DACH2: variants seen among roughly 807,000 people sequenced by gnomAD.
DACH2 encodes dachshund homolog 2.
Under a neutral mutation model 35.8 loss-of-function variants are expected in DACH2, and 17 were observed. The observed-to-expected ratio is 0.48, with a 90% CI of 0.33 to 0.71. The LOEUF is 0.71. DACH2 is among the 30% of genes least tolerant of loss of function. The pLI, the probability that DACH2 is intolerant of heterozygous loss-of-function variation, is 0.02. For missense variants in DACH2, 469 were observed against 472.7 expected (o/e 0.99, Z 0.07); for synonymous variants, 195 against 177.3 (o/e 1.10, Z -0.79).
intron 2 of DACH2, among the ~76,000 whole-genome samples, chrX:86,425,295 A>G (rs1199882790): frequency 9.0e-6 from 1 of 110,530 alleles, no homozygotes; most frequent in Non-Finnish European, 1.9e-5. Flanking sequence ...TCAGCAGTGA[A>G]GCCATCAGGT....
chrX:86,514,125 T>C, intron 2 of DACH2, 154 bp from the exon 3 acceptor site: 1 of 494,550 alleles, frequency 2.0e-6, no homozygotes, highest in South Asian at 3.5e-5. Context: ...AGTAAAGAAT[T>C]GGTCTCTTAG....
chrX:86,572,730 C>T (rs1481117053), intron 3 of DACH2, among the ~76,000 whole-genome samples: 1 of 111,618 alleles, frequency 9.0e-6, no homozygotes, highest in Non-Finnish European at 1.9e-5. Flanking sequence ...TGCCATACTG[C>T]TTCAAACCTC....
chrX:86,180,011 A>G (rs1455966886), intron 1 of DACH2, among the ~76,000 whole-genome samples: 1 of 107,174 alleles, frequency 9.3e-6, no homozygotes, highest in Non-Finnish European at 1.9e-5. Context: ...GCCTCCAGAC[A>G]CTGATTGTGA....
chrX:86,308,734 A>C (rs752854681), intron 1 of DACH2, among the ~76,000 whole-genome samples: 2 of 111,645 alleles, frequency 1.8e-5, no homozygotes, highest in African/African-American at 3.3e-5. Flanking sequence ...GTAACTGTGC[A>C]CTGGGGAAAG....
At chrX:86,716,066 T>G (rs1463541769) in intron 6 of DACH2, among the ~76,000 whole-genome samples, 1 of 111,662 alleles carries the variant, frequency 9.0e-6, no homozygotes, top group African/African-American at 3.3e-5. Flanking sequence ...CATCTATATA[T>G]TTAAAACACC....
intron 4 of DACH2, among the ~76,000 whole-genome samples, chrX:86,686,549 A>T (rs1400950696): frequency 9.0e-6 from 1 of 110,774 alleles, no homozygotes; most frequent in Non-Finnish European, 1.9e-5. Flanking sequence ...GTATTTTTTT[A>T]AAAAAACTTC....
intron 2 of DACH2, among the ~76,000 whole-genome samples, chrX:86,480,510 C>T (rs1368901120): frequency 8.9e-6 from 1 of 111,780 alleles, no homozygotes; most frequent in African/African-American, 3.3e-5. Context: ...TGAAGCTCTA[C>T]AATCAGTAAG....
At position 86,674,651 on chromosome X, in the gene DACH2, G is replaced by C. The variant is rs755301224; in HGVS notation, c.773-20370G>C. On this transcript the variant is annotated intron_variant, in intron 4 of 11. Transcript: ENST00000373125. ...TGAGTATCTAGTGTTTATCTTTTCT[G>C]GCTCCAGAATTTCTTATTGCAAAAA... Among the ~76,000 whole-genome samples, 18 of 111,863 alleles carry C rather than the reference G, an allele frequency of 1.6e-4. 1 individual carries two copies. In the South Asian group the frequency reaches 5.9e-3, roughly 37 times the overall value.
intron 4 of DACH2, among the ~76,000 whole-genome samples, chrX:86,667,713 A>C (rs1335651053): frequency 8.9e-6 from 1 of 112,015 alleles, no homozygotes; most frequent in East Asian, 2.8e-4. Flanking sequence ...TTAAAGAGTT[A>C]AAATTCAAAT....
chrX:86,197,076 G>A (rs1437517315), intron 1 of DACH2, among the ~76,000 whole-genome samples: 3 of 111,901 alleles, frequency 2.7e-5, no homozygotes, highest in Non-Finnish European at 5.6e-5. Context: ...GCTGAAAACC[G>A]ACAAACCAGA....
intron 4 of DACH2, among the ~76,000 whole-genome samples, chrX:86,688,898 A>T (rs1251086512): frequency 8.9e-6 from 1 of 112,067 alleles, no homozygotes; most frequent in Non-Finnish European, 1.9e-5. Context: ...TGATTATTGC[A>T]ACTGAGCAGC....
At chrX:86,315,834 CACACACAG>C (rs1213855025) in intron 1 of DACH2, among the ~76,000 whole-genome samples, 41 of 77,052 alleles carry the variant, frequency 5.3e-4, no homozygotes, top group East Asian at 2.5e-3. Flanking sequence ...CACACACACA[CACACACAG>C]AGAGAGAGAG....
chrX:86,695,666 C>G (rs764429373), intron 5 of DACH2, among the ~76,000 whole-genome samples: 4 of 109,935 alleles, frequency 3.6e-5, no homozygotes, highest in Non-Finnish European at 7.6e-5. Flanking sequence ...TCTGCCACCA[C>G]GTCCAGCTAA....
At chrX:86,708,264 A>T (rs981367477) in intron 5 of DACH2, among the ~76,000 whole-genome samples, 6 of 110,708 alleles carry the variant, frequency 5.4e-5, no homozygotes, top group East Asian at 2.9e-4. Context: ...ACTTCTATTC[A>T]TCGTTATACT....
intron 2 of DACH2, 67 bp from the exon 3 acceptor site, chrX:86,514,212 C>G: frequency 5.3e-6 from 5 of 944,911 alleles, no homozygotes; most frequent in Non-Finnish European, 7.4e-6. Flanking sequence ...GTAAATATTG[C>G]AAGTGATGGT....
intron 1 of DACH2, among the ~76,000 whole-genome samples, chrX:86,166,929 A>G (rs2030963305): frequency 1.8e-5 from 2 of 111,418 alleles, no homozygotes; most frequent in South Asian, 7.4e-4. Flanking sequence ...GGTCATGTTG[A>G]TCTTTCTAAT....
At chrX:86,519,665 T>A (rs1167959835) in intron 3 of DACH2, among the ~76,000 whole-genome samples, 1 of 111,305 alleles carries the variant, frequency 9.0e-6, no homozygotes, top group African/African-American at 3.3e-5. Flanking sequence ...CTTGTAGGTT[T>A]TTTAATTTTA....
intron 1 of DACH2, among the ~76,000 whole-genome samples, chrX:86,257,738 A>G (rs1055103433): frequency 1.8e-5 from 2 of 112,597 alleles, no homozygotes; most frequent in Non-Finnish European, 3.8e-5. Context: ...TATAAGAAGC[A>G]AAGGAAAAAA....
intron 2 of DACH2, among the ~76,000 whole-genome samples, chrX:86,437,192 G>A (rs753296584): frequency 2.6e-4 from 29 of 110,354 alleles, no homozygotes; most frequent in Non-Finnish European, 4.7e-4. Flanking sequence ...ATATTTATGG[G>A]GTACATATTA....
Sources: allele counts gnomAD v4.1 joint callset (sites outside exome capture counted in the v4.1 genomes callset), GRCh38; gene constraint gnomAD v4.1.1; transcripts MANE v1.5; gene names NCBI Gene and HGNC (gene_info 2026-07-23, HGNC 2026-07-21).